RAB38: variants seen among roughly 807,000 people sequenced by gnomAD.
The protein encoded by RAB38 is RAB38, member RAS oncogene family.
RAB38 carries 15 observed loss-of-function variants against 18.4 expected under a neutral mutation model. That is an observed-to-expected ratio of 0.82 (90% CI 0.55 to 1.26). The LOEUF is 1.26. Among genes scored for constraint, RAB38 ranks in the 50% most tolerant of loss-of-function variants. RAB38 has a pLI of 0.00. For synonymous variants in RAB38, 101 were observed against 104.4 expected (o/e 0.97, Z 0.20); for missense variants, 294 against 267.4 (o/e 1.10, Z -0.69).
the RAB38 span, among the ~76,000 whole-genome samples, chr11:87,850,770 A>C: frequency 6.6e-6 from 1 of 151,922 alleles, no homozygotes; most frequent in Non-Finnish European, 1.5e-5. Context: ...GTATACATAC[A>C]AAGAATGCCT....
chr11:87,881,715 AT>A, the RAB38 span, among the ~76,000 whole-genome samples: 36,189 of 151,210 alleles, frequency 0.24, 6,903 homozygotes, highest in African/African-American at 0.51. Flanking sequence ...GCCACTAAGT[AT>A]TTTTTTTTCC....
chr11:88,027,441 A>G, the RAB38 span, among the ~76,000 whole-genome samples: 1 of 152,188 alleles, frequency 6.6e-6, no homozygotes, highest in African/African-American at 2.4e-5. Flanking sequence ...TGGGAAGCAC[A>G]AGGGGTCAGG....
chr11:87,929,134 G>C, the RAB38 span, among the ~76,000 whole-genome samples: 1 of 151,810 alleles, frequency 6.6e-6, no homozygotes, highest in African/African-American at 2.4e-5. Context: ...AAGAAAAAAA[G>C]TAAAAGCTCT....
At chr11:87,894,744 T>A in the RAB38 span, among the ~76,000 whole-genome samples, 1 of 148,652 alleles carries the variant, frequency 6.7e-6, no homozygotes, top group Non-Finnish European at 1.5e-5. Flanking sequence ...ATATAAAAAA[T>A]ATATGTATAC....
chr11:87,965,387 A>C, the RAB38 span, among the ~76,000 whole-genome samples: 8 of 152,180 alleles, frequency 5.3e-5, no homozygotes, highest in Non-Finnish European at 8.8e-5. Context: ...TTTCATAAAA[A>C]GGGAACACTC....
the RAB38 span, among the ~76,000 whole-genome samples, chr11:87,841,798 C>A: frequency 6.6e-6 from 1 of 152,244 alleles, no homozygotes; most frequent in South Asian, 2.1e-4. Flanking sequence ...GATATAAAGA[C>A]AAGAAGTATA....
At chr11:88,048,731 C>T in the RAB38 span, among the ~76,000 whole-genome samples, 3 of 152,130 alleles carry the variant, frequency 2.0e-5, no homozygotes, top group Non-Finnish European at 4.4e-5. Context: ...AAATGCCCTG[C>T]TCTTGTTTAC....
the RAB38 span, among the ~76,000 whole-genome samples, chr11:88,031,377 AG>A: frequency 6.7e-6 from 1 of 149,052 alleles, no homozygotes; most frequent in Non-Finnish European, 1.5e-5. Context: ...AGTTCTGGCC[AG>A]GGCAATTAGG....
the RAB38 span, among the ~76,000 whole-genome samples, chr11:88,026,291 C>T: frequency 6.6e-5 from 10 of 151,786 alleles, no homozygotes; most frequent in African/African-American, 1.5e-4. Context: ...CAGCCAGGTG[C>T]GCTGGCTCAC....
chr11:87,870,771 AG>A, the RAB38 span, among the ~76,000 whole-genome samples: 1 of 151,602 alleles, frequency 6.6e-6, no homozygotes, highest in Admixed American at 6.6e-5. Flanking sequence ...AAGAGGAAAG[AG>A]GGGGTTGAAA....
rs914403621 is a variant in RAB38, at chr11:88,175,414, G to A, written c.-30C>T. The stretch of plus-strand genomic sequence containing the variant: ...GCGGCCGGCCAGACGTGCCGTGCCT[G>A]ACCAGGGAAGCGCAGCCTGGGCTCT... On this transcript the variant is annotated 5_prime_UTR_variant, in exon 1 of 3. Coordinates refer to ENST00000243662, the MANE Select transcript of RAB38 (RefSeq NM_022337.3). 1 of 1,595,224 alleles carries A rather than the reference G, an allele frequency of 6.3e-7. No homozygotes were observed. The highest frequency in any genetic ancestry group is 8.6e-7 in the Non-Finnish European group (1 of 1,168,456).
At chr11:88,049,098 CT>C in the RAB38 span, among the ~76,000 whole-genome samples, 1 of 152,148 alleles carries the variant, frequency 6.6e-6, no homozygotes, top group Non-Finnish European at 1.5e-5. Flanking sequence ...CACGCCGCCC[CT>C]AATCCCGCTT....
the RAB38 span, among the ~76,000 whole-genome samples, chr11:87,850,468 G>A: frequency 3.3e-5 from 5 of 149,342 alleles, no homozygotes; most frequent in East Asian, 1.9e-4. Flanking sequence ...AGCAGAGAGC[G>A]TGTGTGTGTG....
chr11:87,817,175 A>G, the RAB38 span: 1 of 152,176 alleles, frequency 6.6e-6, no homozygotes, highest in Admixed American at 6.5e-5. Flanking sequence ...GAACTGCTAT[A>G]AGGTATACAA....
At chr11:87,884,410 C>T in the RAB38 span, among the ~76,000 whole-genome samples, 1 of 151,882 alleles carries the variant, frequency 6.6e-6, no homozygotes, top group Non-Finnish European at 1.5e-5. Context: ...CTGGCCTCAG[C>T]CTGGGAGATG....
chr11:87,905,124 C>T, the RAB38 span, among the ~76,000 whole-genome samples: 1 of 151,594 alleles, frequency 6.6e-6, no homozygotes, highest in Non-Finnish European at 1.5e-5. Flanking sequence ...TTCAAAGTTA[C>T]TGATGCTTTT....
At chr11:87,860,049 A>T in the RAB38 span, among the ~76,000 whole-genome samples, 3 of 151,978 alleles carry the variant, frequency 2.0e-5, no homozygotes, top group African/African-American at 7.2e-5. Context: ...ACTGGGTAGG[A>T]TCTTCCCTGA....
At chr11:88,119,669 CAAAA>C (rs34044049) in intron 2 of RAB38, among the ~76,000 whole-genome samples, 1 of 106,628 alleles carries the variant, frequency 9.4e-6, no homozygotes. Flanking sequence ...ACCAGAGAGC[CAAAA>C]AAAAAAAAAA....
At chr11:88,173,817 T>G in intron 1 of RAB38, 2 of 985,406 alleles carry the variant, frequency 2.0e-6, no homozygotes, top group African/African-American at 1.7e-5. Flanking sequence ...TCCAAATGCA[T>G]GAATCTGTTC....
Sources: allele counts gnomAD v4.1 joint callset (sites outside exome capture counted in the v4.1 genomes callset), GRCh38; gene constraint gnomAD v4.1.1; transcripts MANE v1.5; gene names NCBI Gene and HGNC (gene_info 2026-07-23, HGNC 2026-07-21).